The following CEP112 variants were observed in gnomAD, a reference collection of about 807,000 sequenced individuals.
CEP112 encodes the protein centrosomal protein 112.
In CEP112, 127 loss-of-function variants were observed where a neutral mutation model predicts 153.0. The ratio of observed to expected loss-of-function variants is 0.83; its 90% CI spans 0.72 to 0.96. CEP112 has a LOEUF of 0.96. CEP112 is among the 40% of genes least tolerant of loss of function. The probability of loss-of-function intolerance (pLI) is 0.00; values close to 1 mark genes in which losing one functional copy is unlikely to be tolerated. For missense variants in CEP112, 1,089 were observed against 1,101.2 expected (o/e 0.99, Z 0.16); for synonymous variants, 358 against 374.4 (o/e 0.96, Z 0.51).
At chr17:65,658,478 A>G (rs1052912910) in intron 24 of CEP112, among the ~76,000 whole-genome samples, 1 of 152,258 alleles carries the variant, frequency 6.6e-6, no homozygotes, top group African/African-American at 2.4e-5. Flanking sequence ...CCATGTGCCT[A>G]GAAGAAGGGT....
chr17:65,774,177 G>A (rs1035343123), intron 21 of CEP112, among the ~76,000 whole-genome samples: 3 of 152,030 alleles, frequency 2.0e-5, no homozygotes, highest in Admixed American at 2.0e-4. Flanking sequence ...CTTGAAAGTC[G>A]GTTTTATCTC....
rs2065261372 is a variant in CEP112 at position 66,027,437 on chromosome 17, T to C, written c.1656+64A>G. ...GTGAGAATGTATGGTTTCATAAAAA[T>C]CAGTCTGCATTAATGCCTCATTTGC... On this transcript the variant is annotated intron_variant, in intron 16 of 26. Coordinates refer to ENST00000535342, the MANE Select transcript of CEP112 (RefSeq NM_001199165.4). The C allele has an allele frequency of 1.6e-5, 20 of 1,263,030 alleles. No homozygotes were observed. The South Asian group carries it at 2.8e-4, about 18-fold the overall frequency. The allele number at this position is 1,263,030 out of a possible 1,614,324, so 78.2% of individuals were successfully genotyped here. A position where few individuals can be genotyped will look rare whatever the true frequency, so the allele number is the denominator to read the frequency against.
At chr17:65,970,438 C>G (rs1220373699) in intron 17 of CEP112, among the ~76,000 whole-genome samples, 4 of 72,378 alleles carry the variant, frequency 5.5e-5, no homozygotes, top group Admixed American at 1.9e-4. Flanking sequence ...ATGCACACAT[C>G]ATGCATGTAT....
rs552360116 is a variant in CEP112 at position 66,151,099 on chromosome 17, A to G, written c.471-18336T>C. Among the ~76,000 whole-genome samples the G allele has an allele frequency of 6.1e-5, 9 of 148,328 alleles. No individual in the cohort carries two copies. In the East Asian group the frequency reaches 1.5e-3, roughly 25 times the overall value. ...TCTTTGTATTTAAAGTATGTCTCTT[A>G]TAAATAATATAAAGTTGGCTCTTGC... On this transcript the variant is annotated intron_variant, in intron 4 of 26. Transcript: ENST00000535342.
intron 1 of CEP112, among the ~76,000 whole-genome samples, chr17:66,190,808 G>A (rs1451980777): frequency 6.6e-6 from 1 of 151,924 alleles, no homozygotes; most frequent in African/African-American, 2.4e-5. Context: ...AGTATTAAAA[G>A]GTCTGGGAAA....
intron 20 of CEP112, among the ~76,000 whole-genome samples, chr17:65,856,773 C>A (rs1055055007): frequency 6.6e-6 from 1 of 152,154 alleles, no homozygotes; most frequent in African/African-American, 2.4e-5. Flanking sequence ...AGCAGTGAGA[C>A]CATCCCAAAT....
chr17:65,792,016 G>T (rs2054616265), intron 21 of CEP112, among the ~76,000 whole-genome samples: 1 of 152,128 alleles, frequency 6.6e-6, no homozygotes, highest in Admixed American at 6.6e-5. Flanking sequence ...TTTGGGATTT[G>T]ATCCTCATTC....
intron 24 of CEP112, chr17:65,655,333 A>C (rs1390218275): frequency 1.9e-6 from 3 of 1,568,270 alleles, no homozygotes; most frequent in African/African-American, 1.4e-5. Context: ...CTCGATGAAA[A>C]TCTTGCCAAA....
chr17:65,663,744 A>C (rs2046524890), intron 24 of CEP112, among the ~76,000 whole-genome samples: 1 of 152,232 alleles, frequency 6.6e-6, no homozygotes, highest in Non-Finnish European at 1.5e-5. Flanking sequence ...GGAGGAATCA[A>C]ACCCTGTCTT....
rs140754125 is a variant in CEP112 at position 65,732,580 on chromosome 17, C to T, written c.2607+10488G>A. On this transcript the variant is annotated intron_variant, in intron 23 of 26. Coordinates refer to ENST00000535342, the MANE Select transcript of CEP112 (RefSeq NM_001199165.4). ...ATCTTCTTCCAACAGAAGGCTGTTT[C>T]ATCTACACAGAAAATCTGTCATTTA... is the stretch of plus-strand genomic sequence containing the variant. 1.3e-3 allele frequency among the ~76,000 whole-genome samples: 202 copies of T among 152,192 alleles called. 1 individual carries two copies. Among genetic ancestry groups the T allele is most frequent in the African/African-American group, 4.6e-3 (192 of 41,532 alleles).
At chr17:65,738,772 G>C (rs774180537) in intron 23 of CEP112, among the ~76,000 whole-genome samples, 3 of 152,158 alleles carry the variant, frequency 2.0e-5, no homozygotes, top group Non-Finnish European at 4.4e-5. Flanking sequence ...ACAGGTAGTA[G>C]GAATATAGAT....
chr17:65,828,791 C>T (rs895936993), intron 21 of CEP112, among the ~76,000 whole-genome samples: 1 of 151,534 alleles, frequency 6.6e-6, no homozygotes, highest in Non-Finnish European at 1.5e-5. Context: ...TTATGATGTA[C>T]AATATTTTAA....
chr17:66,077,497 A>G (rs753141608), intron 8 of CEP112, among the ~76,000 whole-genome samples: 1 of 152,184 alleles, frequency 6.6e-6, no homozygotes, highest in Non-Finnish European at 1.5e-5. Context: ...AATTAACCCA[A>G]TCCAACAAAG....
intron 4 of CEP112, among the ~76,000 whole-genome samples, chr17:66,138,955 C>A (rs2070564901): frequency 6.6e-6 from 1 of 151,576 alleles, no homozygotes; most frequent in South Asian, 2.1e-4. Context: ...ACACAACATA[C>A]CAAAATGTGT....
intron 23 of CEP112, among the ~76,000 whole-genome samples, chr17:65,692,224 ATTTTTT>A (rs35586515): frequency 2.4e-5 from 3 of 126,862 alleles, no homozygotes; most frequent in African/African-American, 9.1e-5. Flanking sequence ...CTGCACTGGA[ATTTTTT>A]TTTTTTTTTT....
intron 25 of CEP112, 98 bp from the exon 26 acceptor site, chr17:65,637,286 C>T: frequency 1.2e-6 from 1 of 836,062 alleles, no homozygotes; most frequent in Non-Finnish European, 2.0e-6. Context: ...CAGACAATTC[C>T]CTAGATAAAA....
intron 21 of CEP112, among the ~76,000 whole-genome samples, chr17:65,821,534 ATATATATTTTTTTTTTTT>A (rs1298542932): frequency 1.2e-4 from 4 of 32,694 alleles, no homozygotes; most frequent in African/African-American, 3.9e-4. Flanking sequence ...ATATATATAT[ATATATATTTTTTTTTTTT>A]TTTTTTTTTT....
chr17:66,024,554 C>A (rs1361396189), intron 16 of CEP112, among the ~76,000 whole-genome samples: 1 of 142,744 alleles, frequency 7.0e-6, no homozygotes, highest in Non-Finnish European at 1.5e-5. Flanking sequence ...AAGAAGCAAT[C>A]CCATTTACAA....
At chr17:65,728,624 C>T (rs1161900671) in intron 23 of CEP112, among the ~76,000 whole-genome samples, 1 of 152,078 alleles carries the variant, frequency 6.6e-6, no homozygotes, top group African/African-American at 2.4e-5. Context: ...GGTATAATTG[C>T]CTATAGTACA....
Sources: gnomAD v4.1 joint callset for allele counts (sites outside exome capture counted in the v4.1 genomes callset) on GRCh38, gnomAD v4.1.1 for gene constraint, MANE v1.5 for transcripts, NCBI Gene and HGNC (gene_info 2026-07-23, HGNC 2026-07-21) for gene names.